IL4R: variants seen among roughly 807,000 people sequenced by gnomAD.
IL4R encodes the protein interleukin 4 receptor.
Under a neutral mutation model 41.5 loss-of-function variants are expected in IL4R, and 17 were observed. The observed-to-expected ratio is 0.41, with a 90% CI of 0.28 to 0.61. The LOEUF is 0.61. IL4R is among the 20% of genes least tolerant of loss of function. The probability of loss-of-function intolerance (pLI) is 0.31; values close to 1 mark genes in which losing one functional copy is unlikely to be tolerated. For synonymous variants in IL4R, 402 were observed against 422.9 expected (o/e 0.95, Z 0.61); for missense variants, 974 against 1,043.1 (o/e 0.93, Z 0.91).
intron 8 of IL4R, among the ~76,000 whole-genome samples, chr16:27,356,337 T>TA (rs1478186303): frequency 6.6e-6 from 1 of 152,106 alleles, no homozygotes; most frequent in East Asian, 1.9e-4. Flanking sequence ...ATGATCTGCC[T>TA]GCCTCAGCCT....
At chr16:27,356,088 T>TTTC (rs2141195624) in intron 8 of IL4R, among the ~76,000 whole-genome samples, 181 bp downstream of exon 8, 1 of 134,210 alleles carries the variant, frequency 7.5e-6, no homozygotes, top group African/African-American at 3.4e-5. Flanking sequence ...TTTTTTCTTT[T>TTTC]TTTTTTTTTT....
intron 6 of IL4R, among the ~76,000 whole-genome samples, chr16:27,347,735 C>A (rs2085702041): frequency 6.6e-6 from 1 of 152,346 alleles, no homozygotes; most frequent in South Asian, 2.1e-4. Flanking sequence ...TCCCACAGGG[C>A]TGCAATCCAA....
At chr16:27,359,101 A>G (rs910677886) in intron 9 of IL4R, 107 bp downstream of exon 9, 1 of 823,980 alleles carries the variant, frequency 1.2e-6, no homozygotes, top group East Asian at 2.7e-5. Context: ...AATGGCAAAT[A>G]GACAGTCAGG....
Position 27,345,920 on chromosome 16 carries a change from T to C in IL4R, c.362-547T>C, listed in dbSNP as rs1430793546. Among the ~76,000 whole-genome samples the C allele has an allele frequency of 6.6e-6, 1 of 152,142 alleles. No homozygotes were observed. Reference sequence around the variant, plus strand: ...CCAGGAGAAGGAGGTTGCAGTGAGCTTAGATCATGCTACTGCCCTCCAGCC... The same window carrying C: ...CCAGGAGAAGGAGGTTGCAGTGAGCCTAGATCATGCTACTGCCCTCCAGCC... On this transcript the variant is annotated intron_variant, in intron 5 of 10. Coordinates refer to ENST00000395762, the MANE Select transcript of IL4R (RefSeq NM_000418.4). This position sits in a 1 kb window ranked among gnomAD's most constrained non-coding sequence, Gnocchi z 4.5.
Position 27,364,071 on chromosome 16 carries a change from G to T in IL4R, c.*241G>T. 2.0e-6 allele frequency: 1 copy of T among 492,862 alleles called. No homozygotes were observed. The highest frequency in any genetic ancestry group is 3.6e-6 in the Non-Finnish European group (1 of 280,478). The allele number at this position is 492,862 out of a possible 1,614,324, so 30.5% of individuals were successfully genotyped here. ...AGAGTAGAGGGCACTGGGTCGCCGT[G>T]CCCCACGGCAGGCCCCTGCAGGAAA... On this transcript the variant is annotated 3_prime_UTR_variant, in exon 11 of 11. Transcript: ENST00000395762.
intron 2 of IL4R, among the ~76,000 whole-genome samples, chr16:27,338,341 C>T (rs2085327606): frequency 6.6e-6 from 1 of 151,830 alleles, no homozygotes; most frequent in Non-Finnish European, 1.5e-5. Context: ...CCTCAACCTC[C>T]CAAGTAGCTA....
At chr16:27,328,205 CAA>C (rs779355998) in intron 1 of IL4R, among the ~76,000 whole-genome samples, 2,779 of 70,460 alleles carry the variant, frequency 0.039, 119 homozygotes, top group African/African-American at 0.13. Context: ...GGCTCCATCT[CAA>C]AAAAAAAAAA....
chr16:27,361,553 C>T (rs2086284367), intron 10 of IL4R, among the ~76,000 whole-genome samples: 1 of 151,762 alleles, frequency 6.6e-6, no homozygotes, highest in Non-Finnish European at 1.5e-5. Context: ...TGGACCTTTC[C>T]ATACTCCAGA....
intron 1 of IL4R, among the ~76,000 whole-genome samples, chr16:27,326,312 A>G (rs928898758): frequency 1.3e-5 from 2 of 152,182 alleles, no homozygotes; most frequent in South Asian, 4.1e-4. Flanking sequence ...TAGCCAGCAC[A>G]TAGGCAGTAC....
At chr16:27,338,748 A>G (rs1036705575) in intron 2 of IL4R, among the ~76,000 whole-genome samples, 3 of 152,110 alleles carry the variant, frequency 2.0e-5, no homozygotes, top group African/African-American at 7.2e-5. Context: ...ACACAGCAGC[A>G]TGGCATCGTC....
intron 6 of IL4R, among the ~76,000 whole-genome samples, chr16:27,349,912 G>T (rs1255345683): frequency 6.6e-6 from 1 of 152,182 alleles, no homozygotes; most frequent in Non-Finnish European, 1.5e-5. Context: ...ACCACGCCAG[G>T]CTAATTTTTT....
intron 6 of IL4R, among the ~76,000 whole-genome samples, chr16:27,347,567 G>A (rs2239349): frequency 0.16 from 23,967 of 152,218 alleles, 2,723 homozygotes; most frequent in African/African-American, 0.32. Flanking sequence ...TATCAGGTCA[G>A]TAATGGCAGG....
At chr16:27,337,833 T>G (rs962864139) in intron 2 of IL4R, among the ~76,000 whole-genome samples, 9 of 151,748 alleles carry the variant, frequency 5.9e-5, no homozygotes, top group African/African-American at 2.2e-4. Flanking sequence ...ATTACAGATG[T>G]GAGCCACCAC....
At chr16:27,359,934 G>A in intron 9 of IL4R, 1 of 396,522 alleles carries the variant, frequency 2.5e-6, no homozygotes, top group South Asian at 1.8e-5. Flanking sequence ...TGGCGGGGGA[G>A]GCTGGGCTGG....
At position 27,354,351 on chromosome 16, in the gene IL4R, G is replaced by A. The variant is rs3024625; in HGVS notation, c.671-1457G>A. 7.7e-3 allele frequency among the ~76,000 whole-genome samples: 1,168 copies of A among 152,220 alleles called. 11 individuals are homozygous for A. The highest frequency in any genetic ancestry group is 0.027 in the African/African-American group (1,103 of 41,540). ...TGCCACCCATGCCCTCAGGTTGGCC[G>A]TTGCACACTGTCTTACATAAAGCAG... On this transcript the variant is annotated intron_variant, in intron 7 of 10. Coordinates refer to ENST00000395762, the MANE Select transcript of IL4R (RefSeq NM_000418.4).
intron 9 of IL4R, among the ~76,000 whole-genome samples, chr16:27,359,981 C>T (rs974611310): frequency 1.4e-4 from 21 of 151,314 alleles, no homozygotes; most frequent in Non-Finnish European, 2.1e-4. Context: ...CTGACCCGTC[C>T]CCGTAGCCTC....
At chr16:27,339,369 TGG>T (rs2085365265) in intron 2 of IL4R, among the ~76,000 whole-genome samples, 1 of 152,114 alleles carries the variant, frequency 6.6e-6, no homozygotes, top group Non-Finnish European at 1.5e-5. Context: ...GCAGCCTATA[TGG>T]ACTAAGCTGA....
intron 3 of IL4R, 46 bp downstream of exon 3, chr16:27,340,319 G>A (rs745823348): frequency 1.1e-4 from 159 of 1,466,728 alleles, no homozygotes; most frequent in Non-Finnish European, 1.3e-4. Flanking sequence ...TATTAATGGC[G>A]TGCCAGGGTC....
intron 5 of IL4R, among the ~76,000 whole-genome samples, chr16:27,346,192 T>C (rs2085636590): frequency 6.6e-6 from 1 of 152,064 alleles, no homozygotes; most frequent in Non-Finnish European, 1.5e-5. Flanking sequence ...GCCACTGCAC[T>C]CCAGCCTGGG....
Sources: allele counts gnomAD v4.1 joint callset (sites outside exome capture counted in the v4.1 genomes callset), GRCh38; gene constraint gnomAD v4.1.1; non-coding constraint Gnocchi (gnomAD v3.1); transcripts MANE v1.5; gene names NCBI Gene and HGNC (gene_info 2026-07-23, HGNC 2026-07-21).